Variants in OIT3 observed in about 807,000 individuals in gnomAD.
OIT3 encodes the protein oncoprotein induced transcript 3, also known as oncoprotein-induced transcript 3 protein.
In OIT3, 41 loss-of-function variants were observed where a neutral mutation model predicts 52.2. The ratio of observed to expected loss-of-function variants is 0.79; its 90% CI spans 0.61 to 1.02. OIT3 has a LOEUF of 1.02. Among genes scored for constraint, OIT3 ranks in the 50% least tolerant of loss-of-function variants. The probability of loss-of-function intolerance (pLI) is 0.00; values close to 1 mark genes in which losing one functional copy is unlikely to be tolerated. For missense variants in OIT3, 634 were observed against 715.5 expected (o/e 0.89, Z 1.30); for synonymous variants, 244 against 276.9 (o/e 0.88, Z 1.18).
intron 3 of OIT3, among the ~76,000 whole-genome samples, chr10:72,902,799 T>G (rs1183972899): frequency 6.6e-6 from 1 of 152,212 alleles, no homozygotes; most frequent in Non-Finnish European, 1.5e-5. Context: ...ATTGCACCCA[T>G]GATTCAATTA....
chr10:72,917,261 C>T (rs943527186), intron 6 of OIT3, among the ~76,000 whole-genome samples: 1 of 151,248 alleles, frequency 6.6e-6, no homozygotes, highest in Non-Finnish European at 1.5e-5. Flanking sequence ...ATGGTACTGC[C>T]TAGGTTGTCT....
Position 72,924,559 on chromosome 10 carries a change from G to A in OIT3, c.1282G>A (p.Gly428Ser), listed in dbSNP as rs140962729. The change falls in exon 7 of 9, where the codon GGC (glycine) becomes AGC (serine). Residue 428 changes from glycine to serine, a missense_variant. Coordinates refer to ENST00000334011, the MANE Select transcript of OIT3 (RefSeq NM_152635.3). ...FGIEPVVHVS[G>S]LESLVESCFA... The stretch of plus-strand genomic sequence containing the variant: ...CATTGAGCCCGTGGTGCACGTGAGC[G>A]GCTTGGAAAGCTTGGTGGAGAGCTG... 58 of 1,614,004 alleles carry A rather than the reference G, an allele frequency of 3.6e-5. No individual in the cohort carries two copies. Among genetic ancestry groups the A allele is most frequent in the African/African-American group, 6.7e-5 (5 of 74,888 alleles).
intron 2 of OIT3, 115 bp downstream of exon 2, chr10:72,899,153 A>C: frequency 1.1e-6 from 1 of 888,088 alleles, no homozygotes; most frequent in Non-Finnish European, 1.7e-6. Flanking sequence ...TCTGAACAAC[A>C]TTGATGTGGG....
Position 72,906,587 on chromosome 10 carries a change from C to T in OIT3, c.545-9C>T. ...GCAGTATAGAAACAGTGTGGTTTCT[C>T]TTCTGCAGATGAAAATGAATGTGAG... On this transcript the variant is annotated splice_polypyrimidine_tract_variant and intron_variant, in intron 3 of 8. Coordinates refer to ENST00000334011, the MANE Select transcript of OIT3 (RefSeq NM_152635.3). 2 of 1,613,816 alleles carry T rather than the reference C, an allele frequency of 1.2e-6. No individual in the cohort carries two copies. Among genetic ancestry groups the T allele is most frequent in the Non-Finnish European group, 1.7e-6 (2 of 1,179,788 alleles).
Position 72,893,772 on chromosome 10 carries a change from A to G in OIT3, c.-27A>G. 1.3e-6 allele frequency: 2 copies of G among 1,587,836 alleles called. No homozygotes were observed. The highest frequency in any genetic ancestry group is 1.2e-5 in the South Asian group (1 of 86,782). On this transcript the variant is annotated 5_prime_UTR_variant, in exon 1 of 9. Transcript: ENST00000334011. The stretch of plus-strand genomic sequence containing the variant: ...AACACCAGTATTAAGAGGATTTTCC[A>G]GTGTTTCTGGCAGTTGGTCCAGAAG...
At chr10:72,899,551 G>A (rs955616771) in intron 2 of OIT3, among the ~76,000 whole-genome samples, 24 of 150,436 alleles carry the variant, frequency 1.6e-4, no homozygotes, top group Non-Finnish European at 2.8e-4. Flanking sequence ...GGCGAAAATC[G>A]TGCCATTGCA....
intron 6 of OIT3, among the ~76,000 whole-genome samples, chr10:72,920,503 G>A (rs1846112424): frequency 6.6e-6 from 1 of 152,070 alleles, no homozygotes; most frequent in Non-Finnish European, 1.5e-5. Context: ...TGGTTCTCTA[G>A]TTCTTTTAGT....
intron 7 of OIT3, among the ~76,000 whole-genome samples, chr10:72,926,467 C>G (rs1053959930): frequency 1.3e-5 from 2 of 152,224 alleles, no homozygotes; most frequent in Non-Finnish European, 2.9e-5. Flanking sequence ...AAAACCTCAC[C>G]TTTCACATCT....
At chr10:72,917,055 A>C (rs574724946) in intron 6 of OIT3, among the ~76,000 whole-genome samples, 2 of 152,078 alleles carry the variant, frequency 1.3e-5, no homozygotes, top group Non-Finnish European at 2.9e-5. Flanking sequence ...TTTCTTGTAG[A>C]TGCTGGATAT....
intron 1 of OIT3, among the ~76,000 whole-genome samples, chr10:72,896,152 C>G (rs1367281558): frequency 1.3e-5 from 2 of 152,106 alleles, no homozygotes; most frequent in African/African-American, 4.8e-5. Flanking sequence ...CAAGAAATGA[C>G]ATTTAACTTG....
Position 72,913,334 on chromosome 10 carries a change from A to G in OIT3, c.817A>G (p.Ile273Val). The G allele has an allele frequency of 6.2e-7, 1 of 1,611,758 alleles. No homozygotes were observed. The highest frequency in any genetic ancestry group is 8.5e-7 in the Non-Finnish European group (1 of 1,178,164). Residue 273 changes from isoleucine (I) to valine (V), a missense_variant, in exon 6 of 9, where the codon ATT becomes GTT. Transcript: ENST00000334011. ...QVPVLCKSNA[I>V]EVNIPRELVG... The stretch of plus-strand genomic sequence containing the variant: ...CCCTGTGTTGTGCAAATCAAATGCC[A>G]TTGAAGTGAACATCCCCAGGGAGCT...
intron 8 of OIT3, among the ~76,000 whole-genome samples, chr10:72,931,918 A>G (rs984169495): frequency 6.6e-6 from 1 of 152,228 alleles, no homozygotes; most frequent in Admixed American, 6.5e-5. Context: ...TCAATCAGGC[A>G]GGAAGCTCAG....
intron 4 of OIT3, among the ~76,000 whole-genome samples, chr10:72,909,936 G>A (rs999052630): frequency 2.0e-5 from 3 of 152,264 alleles, no homozygotes; most frequent in Admixed American, 6.5e-5. Context: ...GTGAGCTACC[G>A]CGCCTGACCT....
intron 7 of OIT3, among the ~76,000 whole-genome samples, chr10:72,929,574 C>CT (rs77531395): frequency 2.5e-3 from 351 of 139,706 alleles, no homozygotes; most frequent in Middle Eastern, 7.2e-3. Flanking sequence ...CCACACTTGA[C>CT]TTTTTTTTTT....
intron 6 of OIT3, among the ~76,000 whole-genome samples, chr10:72,922,261 T>C (rs1486372039): frequency 6.6e-6 from 1 of 152,124 alleles, no homozygotes; most frequent in Non-Finnish European, 1.5e-5. Flanking sequence ...CTCATGGATA[T>C]CTTGAAATAT....
In OIT3 at chr10:72,916,321, C is replaced by G. The variant is rs965281366; in HGVS notation, c.951+2853C>G. On this transcript the variant is annotated intron_variant, in intron 6 of 8. Transcript: ENST00000334011. ...GCTATATTTCCTGCTTCTCTCCCCC[C>G]TCCTACCTTCCACTCTCTGATAGGC... Among the ~76,000 whole-genome samples the G allele has an allele frequency of 2.6e-5, 4 of 152,252 alleles. No individual in the cohort carries two copies. The South Asian group carries it at 6.2e-4, about 24-fold the overall frequency.
At chr10:72,915,396 C>G (rs1437732800) in intron 6 of OIT3, among the ~76,000 whole-genome samples, 1 of 152,136 alleles carries the variant, frequency 6.6e-6, no homozygotes, top group Non-Finnish European at 1.5e-5. Flanking sequence ...AATACTGAAG[C>G]TAATTTCTTT....
intron 6 of OIT3, among the ~76,000 whole-genome samples, chr10:72,914,541 G>A (rs918232129): frequency 3.3e-5 from 5 of 152,194 alleles, no homozygotes; most frequent in Non-Finnish European, 7.4e-5. Flanking sequence ...TATGTCGATC[G>A]TATCTGTGGA....
At chr10:72,926,710 G>A (rs1312691073) in intron 7 of OIT3, among the ~76,000 whole-genome samples, 1 of 152,198 alleles carries the variant, frequency 6.6e-6, no homozygotes, top group African/African-American at 2.4e-5. Flanking sequence ...CTGCAGATAT[G>A]TGGATTTCTT....
Sources: allele counts gnomAD v4.1 joint callset (sites outside exome capture counted in the v4.1 genomes callset), GRCh38; gene constraint gnomAD v4.1.1; transcripts MANE v1.5; gene names NCBI Gene and HGNC (gene_info 2026-07-23, HGNC 2026-07-21).